Variants in STK32A observed in about 807,000 individuals in gnomAD.
STK32A encodes serine/threonine kinase 32A.
In STK32A, 41 loss-of-function variants were observed where a neutral mutation model predicts 53.2. The observed-to-expected ratio is 0.77, with a 90% CI of 0.60 to 1.00. The LOEUF (loss-of-function observed/expected upper bound fraction) is 1.00. Among genes scored for constraint, STK32A ranks in the 50% least tolerant of loss-of-function variants. The probability of loss-of-function intolerance (pLI) is 0.00; values close to 1 mark genes in which losing one functional copy is unlikely to be tolerated. For synonymous variants in STK32A, 166 were observed against 162.8 expected, an observed-to-expected ratio of 1.02 and a Z score of -0.15; for missense variants, 458 against 485.8, an observed-to-expected ratio of 0.94 and a Z score of 0.54.
intron 11 of STK32A, among the ~76,000 whole-genome samples, chr5:147,377,726 C>T (rs1469632925): frequency 6.6e-6 from 1 of 152,146 alleles, no homozygotes; most frequent in Non-Finnish European, 1.5e-5. Context: ...AGATTTAACA[C>T]CAAGAGCATT....
chr5:147,320,369 T>C (rs1434389944), intron 4 of STK32A, among the ~76,000 whole-genome samples: 1 of 152,208 alleles, frequency 6.6e-6, no homozygotes, highest in Non-Finnish European at 1.5e-5. Context: ...TGCTAATTTC[T>C]ACACATAGAA....
intron 4 of STK32A, among the ~76,000 whole-genome samples, chr5:147,316,896 A>T (rs933148030): frequency 6.6e-6 from 1 of 151,030 alleles, no homozygotes; most frequent in Non-Finnish European, 1.5e-5. Context: ...AGACTTAAAC[A>T]TACCTTTCCT....
the STK32A span, chr5:147,401,846 G>A: frequency 1.2e-6 from 1 of 861,980 alleles, no homozygotes; most frequent in Non-Finnish European, 1.7e-6. Context: ...CCTTTTTAAA[G>A]CCCCTGCTTT....
At chr5:147,348,657 A>T (rs1283948430) in intron 6 of STK32A, 2 of 763,444 alleles carry the variant, frequency 2.6e-6, no homozygotes, top group South Asian at 2.8e-5. Flanking sequence ...CTGGCTGCTC[A>T]TCTGAATCAC....
At chr5:147,293,005 AT>A (rs1752678335) in intron 4 of STK32A, among the ~76,000 whole-genome samples, 1 of 152,218 alleles carries the variant, frequency 6.6e-6, no homozygotes. Context: ...ATCCATTGAT[AT>A]GATTTCCAAA....
intron 2 of STK32A, among the ~76,000 whole-genome samples, chr5:147,256,877 T>C (rs990512506): frequency 2.6e-5 from 4 of 152,152 alleles, no homozygotes; most frequent in African/African-American, 9.7e-5. Flanking sequence ...GAGGAGCAAC[T>C]GTTCCGTTGT....
chr5:147,334,062 G>A (rs1215317119), intron 5 of STK32A, among the ~76,000 whole-genome samples: 6 of 152,080 alleles, frequency 3.9e-5, no homozygotes, highest in Non-Finnish European at 8.8e-5. Context: ...GCCACACTGC[G>A]ATTTTCCAGA....
chr5:147,251,296 A>G (rs917689926), intron 2 of STK32A, among the ~76,000 whole-genome samples: 1 of 152,196 alleles, frequency 6.6e-6, no homozygotes, highest in African/African-American at 2.4e-5. Context: ...GATATTGAGT[A>G]CCTCAGGGAG....
At chr5:147,315,037 A>T (rs1454603203) in intron 4 of STK32A, among the ~76,000 whole-genome samples, 1 of 152,090 alleles carries the variant, frequency 6.6e-6, no homozygotes, top group South Asian at 2.1e-4. Flanking sequence ...GAGCCACCAC[A>T]CTGGGCCAGT....
chr5:147,319,388 C>T (rs1345884817), intron 4 of STK32A, among the ~76,000 whole-genome samples: 1 of 151,966 alleles, frequency 6.6e-6, no homozygotes, highest in Non-Finnish European at 1.5e-5. Flanking sequence ...GTGATCCGCC[C>T]GCCTCGGCCT....
Position 147,373,212 on chromosome 5 carries a change from A to T in STK32A, c.821A>T (p.Asp274Val), listed in dbSNP as rs769281723. The T allele has an allele frequency of 1.9e-6, 3 of 1,613,384 alleles. No individual in the cohort carries two copies. Among genetic ancestry groups the T allele is most frequent in the Non-Finnish European group, 2.5e-6 (3 of 1,179,560 alleles). Residue 274 changes from aspartate (D) to valine (V), a missense_variant, in exon 10 of 13, where the codon GAT becomes GTT. Physicochemically the swap from Asp to Val is radical, Grantham distance 152 (BLOSUM62 -3). Coordinates refer to ENST00000397936, the MANE Select transcript of STK32A (RefSeq NM_001112724.2). Reference protein sequence around the residue: ...NPDQRFSQLSDVQNFPYMNDI... With the variant: ...NPDQRFSQLSVVQNFPYMNDI... ...GACCAACGATTTTCTCAGTTATCTG[A>T]TGTCCAGAACTTCCCGTATATGAAT...
At chr5:147,322,904 G>C (rs1365177681) in intron 4 of STK32A, among the ~76,000 whole-genome samples, 1 of 152,164 alleles carries the variant, frequency 6.6e-6, no homozygotes, top group Non-Finnish European at 1.5e-5. Context: ...GCAGATGCGT[G>C]CACAGGGTCC....
chr5:147,347,297 T>C (rs1755735810), intron 6 of STK32A, among the ~76,000 whole-genome samples: 1 of 150,182 alleles, frequency 6.7e-6, no homozygotes, highest in Non-Finnish European at 1.5e-5. Flanking sequence ...ATTTTTTATA[T>C]GATCCTCTAT....
Position 147,285,972 on chromosome 5 carries a change from T to C in STK32A, c.260+6574T>C, listed in dbSNP as rs559902391. 2.6e-3 allele frequency among the ~76,000 whole-genome samples: 396 copies of C among 152,144 alleles called. 2 individuals carry two copies. Among genetic ancestry groups the C allele is most frequent in the South Asian group, 4.8e-3 (23 of 4,826 alleles). ...TACTCAGAGGAAAATAAGTCATTATTCAAAAAAGATACTTACACATGCATG... is the reference window on the plus strand; with the variant it reads ...TACTCAGAGGAAAATAAGTCATTATCCAAAAAAGATACTTACACATGCATG... On this transcript the variant is annotated intron_variant, in intron 4 of 12. Coordinates refer to ENST00000397936, the MANE Select transcript of STK32A (RefSeq NM_001112724.2).
At chr5:147,295,729 G>C (rs1752835794) in intron 4 of STK32A, among the ~76,000 whole-genome samples, 1 of 152,120 alleles carries the variant, frequency 6.6e-6, no homozygotes, top group Non-Finnish European at 1.5e-5. Context: ...TTCTTCATTT[G>C]CCAGTTTTCA....
At chr5:147,343,872 A>G (rs1043921042) in intron 6 of STK32A, among the ~76,000 whole-genome samples, 8 of 152,230 alleles carry the variant, frequency 5.3e-5, no homozygotes, top group African/African-American at 1.9e-4. Context: ...TAGATTTGTG[A>G]TATAGGGATA....
In STK32A at chr5:147,346,337, G is replaced by T. The variant is rs555789930; in HGVS notation, c.472+3294G>T. 2.0e-5 allele frequency among the ~76,000 whole-genome samples: 3 copies of T among 152,278 alleles called. No individual in the cohort carries two copies. In the East Asian group the frequency reaches 5.8e-4, roughly 29 times the overall value. ...GTGGAAATTGTAGCCACTGTGAAGG[G>T]TAACCACCTATCTCTCTGGTGCCCC... On this transcript the variant is annotated intron_variant, in intron 6 of 12. Transcript: ENST00000397936.
At chr5:147,243,583 CA>C (rs55986995) in intron 2 of STK32A, among the ~76,000 whole-genome samples, 46,547 of 130,626 alleles carry the variant, frequency 0.36, 8,573 homozygotes, top group Non-Finnish European at 0.38. Flanking sequence ...CTAAAAAATA[CA>C]AAAAAAATTA....
chr5:147,370,823 C>T (rs1291509091), intron 9 of STK32A, 53 bp downstream of exon 9: 3 of 1,205,494 alleles, frequency 2.5e-6, no homozygotes, highest in Non-Finnish European at 3.7e-6. Context: ...AGCAGGCTCT[C>T]TGGCTTAAGT....
Sources: allele counts gnomAD v4.1 joint callset (sites outside exome capture counted in the v4.1 genomes callset), GRCh38; gene constraint gnomAD v4.1.1; transcripts MANE v1.5; gene names NCBI Gene and HGNC (gene_info 2026-07-23, HGNC 2026-07-21).